NEBL: variants seen among roughly 807,000 people sequenced by gnomAD.
The protein encoded by NEBL is nebulette.
In NEBL, 122 loss-of-function variants were observed where a neutral mutation model predicts 140.2. The ratio of observed to expected loss-of-function variants is 0.87; its 90% confidence interval spans 0.75 to 1.01. The LOEUF (loss-of-function observed/expected upper bound fraction) is 1.01. NEBL is among the 50% of genes least tolerant of loss of function. The pLI is 0.00. For synonymous variants in NEBL, 436 were observed against 398.9 expected (o/e 1.09, Z -1.11); for missense variants, 1,365 against 1,231.3 (o/e 1.11, Z -1.62).
At chr10:21,154,971 C>T (rs986045531) in intron 2 of NEBL, among the ~76,000 whole-genome samples, 3 of 152,060 alleles carry the variant, frequency 2.0e-5, no homozygotes, top group Admixed American at 6.6e-5. Context: ...GAGGCCGAGG[C>T]GGGTGGATCA....
chr10:21,219,338 A>G (rs907766474), intron 3 of NEBL, among the ~76,000 whole-genome samples: 2 of 152,372 alleles, frequency 1.3e-5, no homozygotes, highest in Middle Eastern at 3.4e-3. Flanking sequence ...TGCTACTAAA[A>G]TGTATATTTC....
rs139375311 is a variant in NEBL, at chr10:21,146,542, G to T, written c.164+25841C>A. The T allele has an allele frequency of 1.1e-5, 17 of 1,565,078 alleles. No homozygotes were observed. In the African/African-American group the frequency reaches 2.2e-4, roughly 20 times the overall value. On this transcript the variant is annotated intron_variant, in intron 2 of 6. Transcript: ENST00000417816. ...TGCATTATCAGAAAATGGTGAAAAT[G>T]GTGCTGTGTTTGGGCATTGTTACCT...
intron 5 of NEBL, among the ~76,000 whole-genome samples, chr10:20,871,769 T>C (rs1177869580): frequency 1.3e-5 from 2 of 152,180 alleles, no homozygotes; most frequent in African/African-American, 2.4e-5. Context: ...AAAAGGAACA[T>C]AAAAATAAGG....
intron 2 of NEBL, among the ~76,000 whole-genome samples, chr10:21,106,024 G>C (rs565875169): frequency 2.9e-4 from 44 of 152,028 alleles, no homozygotes; most frequent in African/African-American, 1.1e-3. Flanking sequence ...CCCACTTTTT[G>C]ATGGGGTTGT....
At chr10:21,285,548 C>A (rs1843044340) in intron 1 of NEBL, among the ~76,000 whole-genome samples, 1 of 152,222 alleles carries the variant, frequency 6.6e-6, no homozygotes, top group Non-Finnish European at 1.5e-5. Flanking sequence ...ATATATAAAA[C>A]TAAACTATGC....
chr10:20,839,798 G>A (rs1841240035), intron 13 of NEBL, among the ~76,000 whole-genome samples: 1 of 152,074 alleles, frequency 6.6e-6, no homozygotes, highest in Non-Finnish European at 1.5e-5. Flanking sequence ...TCAAACCTAA[G>A]ACTTTGATTG....
intron 3 of NEBL, among the ~76,000 whole-genome samples, chr10:20,975,382 T>A (rs72789349): frequency 0.011 from 1,722 of 152,180 alleles, 14 homozygotes; most frequent in Middle Eastern, 0.024. Context: ...ATTTCATAGT[T>A]CATGAGAGTA....
At chr10:21,232,086 C>T (rs552057004) in intron 3 of NEBL, among the ~76,000 whole-genome samples, 17 of 152,244 alleles carry the variant, frequency 1.1e-4, no homozygotes, top group East Asian at 3.9e-4. Flanking sequence ...CACTTCCCTA[C>T]GCTTCGAGAA....
chr10:20,877,826 A>G (rs925786217), intron 5 of NEBL, among the ~76,000 whole-genome samples: 1 of 152,318 alleles, frequency 6.6e-6, no homozygotes, highest in Middle Eastern at 3.4e-3. Flanking sequence ...AAGCCTGTCT[A>G]TAAAATCCGA....
At chr10:21,082,510 A>G (rs1030434617) in intron 2 of NEBL, among the ~76,000 whole-genome samples, 10 of 147,464 alleles carry the variant, frequency 6.8e-5, no homozygotes, top group African/African-American at 2.3e-4. Flanking sequence ...ATTTTTTGTA[A>G]GTTTGAAGTG....
intron 4 of NEBL, among the ~76,000 whole-genome samples, chr10:20,885,071 T>C (rs761379279): frequency 6.6e-6 from 1 of 151,068 alleles, no homozygotes; most frequent in African/African-American, 2.5e-5. Context: ...TTAAGATAAG[T>C]TTGTTTTAAT....
chr10:20,873,379 C>T (rs533252362), intron 5 of NEBL, among the ~76,000 whole-genome samples: 1 of 152,188 alleles, frequency 6.6e-6, no homozygotes, highest in African/African-American at 2.4e-5. Context: ...GAGATGTGAA[C>T]TTGAGGGCCA....
At chr10:21,230,185 G>A (rs190691033) in intron 3 of NEBL, among the ~76,000 whole-genome samples, 138 of 152,216 alleles carry the variant, frequency 9.1e-4, no homozygotes, top group Admixed American at 5.1e-3. Context: ...CACATGTGAG[G>A]GGGTCTAAAG....
chr10:20,833,518 T>C (rs3824817), intron 14 of NEBL, among the ~76,000 whole-genome samples: 11,376 of 152,138 alleles, frequency 0.075, 1,313 homozygotes, highest in African/African-American at 0.25. Flanking sequence ...TTGACTAAGA[T>C]TCTCAGCCTG....
chr10:21,216,708 T>C (rs1007594347), intron 3 of NEBL, among the ~76,000 whole-genome samples: 1 of 150,650 alleles, frequency 6.6e-6, no homozygotes, highest in African/African-American at 2.5e-5. Context: ...GAGATGGAGG[T>C]TGTGGTGAGC....
chr10:20,868,813 A>T, intron 6 of NEBL, 48 bp from the exon 7 acceptor site: 2 of 1,279,516 alleles, frequency 1.6e-6, no homozygotes, highest in Non-Finnish European at 2.3e-6. Flanking sequence ...CCCTCCAATG[A>T]TGAACTACAT....
intron 3 of NEBL, among the ~76,000 whole-genome samples, chr10:21,214,275 C>T (rs781696723): frequency 2.0e-5 from 3 of 150,086 alleles, no homozygotes; most frequent in Non-Finnish European, 4.4e-5. Flanking sequence ...TTGTATCTTG[C>T]ACTTATTTTT....
chr10:20,909,987 T>C (rs1393070895), intron 4 of NEBL, among the ~76,000 whole-genome samples: 1 of 152,134 alleles, frequency 6.6e-6, no homozygotes, highest in Non-Finnish European at 1.5e-5. Context: ...TCACTGTGTG[T>C]CAGCAAAAAT....
chr10:20,968,728 TTCTG>T (rs1403037082), intron 3 of NEBL, among the ~76,000 whole-genome samples: 1 of 152,244 alleles, frequency 6.6e-6, no homozygotes, highest in African/African-American at 2.4e-5. Flanking sequence ...ATTCGCATTA[TTCTG>T]TTCTTTATTT....
Sources: gnomAD v4.1 joint callset for allele counts (sites outside exome capture counted in the v4.1 genomes callset) on GRCh38, gnomAD v4.1.1 for gene constraint, MANE v1.5 for transcripts, NCBI Gene and HGNC (gene_info 2026-07-23, HGNC 2026-07-21) for gene names.